Variants in RBFOX1 observed in about 807,000 individuals in gnomAD.
The protein encoded by RBFOX1 is RNA binding fox-1 homolog 1.
Under a neutral mutation model 57.7 loss-of-function variants are expected in RBFOX1, and 8 were observed. The ratio of observed to expected loss-of-function variants is 0.14; its 90% CI spans 0.08 to 0.25. RBFOX1 has a LOEUF of 0.25. Ranked by LOEUF, RBFOX1 falls within the 10% of genes least tolerant of loss-of-function variation. RBFOX1 has a pLI of 1.00. For synonymous variants in RBFOX1, 326 were observed against 222.4 expected, an observed-to-expected ratio of 1.47 and a Z score of -4.15; for missense variants, 611 against 548.5, an observed-to-expected ratio of 1.11 and a Z score of -1.14.
intron 2 of RBFOX1, among the ~76,000 whole-genome samples, chr16:5,556,609 A>G (rs2045686330): frequency 6.6e-6 from 1 of 152,232 alleles, no homozygotes; most frequent in African/African-American, 2.4e-5. Flanking sequence ...TGAGCTGCAG[A>G]GGATGCCAAC....
rs576893059 is a variant in RBFOX1, at chr16:6,535,394, C to T, written c.-63-119209C>T. 1.7e-4 allele frequency among the ~76,000 whole-genome samples: 25 copies of T among 150,772 alleles called. No homozygotes were observed. The South Asian group carries it at 4.5e-3, about 27-fold the overall frequency. On this transcript the variant is annotated intron_variant, in intron 2 of 15. Coordinates refer to ENST00000550418, the MANE Select transcript of RBFOX1 (RefSeq NM_018723.4). ...TCATGGACGAAGATTCACTAGAAGT[C>T]TCACAAGCCCTGCCACCCTAAATCA...
chr16:6,878,176 C>G (rs1355104496), intron 3 of RBFOX1, among the ~76,000 whole-genome samples: 1 of 152,058 alleles, frequency 6.6e-6, no homozygotes, highest in Non-Finnish European at 1.5e-5. Context: ...CTTCCACTTC[C>G]CCAAGCAATA....
intron 2 of RBFOX1, among the ~76,000 whole-genome samples, chr16:5,548,357 A>G (rs575678372): frequency 6.6e-6 from 1 of 151,562 alleles, no homozygotes; most frequent in South Asian, 2.1e-4. Flanking sequence ...AAACCTGCGC[A>G]TGTACTCCCT....
At chr16:7,080,280 A>G (rs1372523263) in intron 4 of RBFOX1, among the ~76,000 whole-genome samples, 4 of 152,054 alleles carry the variant, frequency 2.6e-5, no homozygotes, top group Admixed American at 6.6e-5. Flanking sequence ...CTTTACTGCA[A>G]TATCTCAGCA....
chr16:6,860,604 C>G (rs559238729), intron 3 of RBFOX1, among the ~76,000 whole-genome samples: 2 of 152,100 alleles, frequency 1.3e-5, no homozygotes, highest in Admixed American at 6.6e-5. Flanking sequence ...TTGTGGCATC[C>G]AAGCAAAACA....
At chr16:7,219,341 C>T (rs923969463) in intron 4 of RBFOX1, among the ~76,000 whole-genome samples, 4 of 152,132 alleles carry the variant, frequency 2.6e-5, no homozygotes, top group African/African-American at 4.8e-5. Context: ...GCTGCAAGAT[C>T]GAGCTGAATA....
chr16:6,175,103 A>G (rs2096993655), intron 1 of RBFOX1, among the ~76,000 whole-genome samples: 1 of 152,204 alleles, frequency 6.6e-6, no homozygotes, highest in African/African-American at 2.4e-5. Flanking sequence ...AGCACTTAGA[A>G]CTATATCTCA....
At chr16:6,328,004 T>C (rs2082575166) in intron 2 of RBFOX1, among the ~76,000 whole-genome samples, 1 of 152,154 alleles carries the variant, frequency 6.6e-6, no homozygotes, top group South Asian at 2.1e-4. Flanking sequence ...GGTTGTGCAT[T>C]GCCAATTTGC....
At chr16:5,719,446 G>A (rs891485105) in intron 3 of RBFOX1, among the ~76,000 whole-genome samples, 5 of 151,286 alleles carry the variant, frequency 3.3e-5, no homozygotes, top group African/African-American at 4.9e-5. Context: ...TCCTGAGCTC[G>A]CGATCCGCCC....
At chr16:5,642,023 G>A (rs547416135) in intron 3 of RBFOX1, among the ~76,000 whole-genome samples, 1 of 152,322 alleles carries the variant, frequency 6.6e-6, no homozygotes, top group South Asian at 2.1e-4. Context: ...CAAGGCTGCT[G>A]GTATCTGGAC....
chr16:6,924,739 G>C (rs924145395), intron 3 of RBFOX1, among the ~76,000 whole-genome samples: 2 of 151,284 alleles, frequency 1.3e-5, no homozygotes, highest in African/African-American at 4.9e-5. Context: ...GTGCAGGTTT[G>C]TTACATATTT....
intron 3 of RBFOX1, among the ~76,000 whole-genome samples, chr16:5,629,627 G>A (rs1290943790): frequency 6.6e-6 from 1 of 152,218 alleles, no homozygotes; most frequent in African/African-American, 2.4e-5. Flanking sequence ...CTTGTCCGTG[G>A]TGCCTGCTTG....
chr16:7,412,743 A>G (rs1219527138), intron 4 of RBFOX1, among the ~76,000 whole-genome samples: 2 of 152,200 alleles, frequency 1.3e-5, no homozygotes, highest in Non-Finnish European at 2.9e-5. Flanking sequence ...TCCCAGGCTG[A>G]TTTAATCATG....
intron 4 of RBFOX1, among the ~76,000 whole-genome samples, chr16:7,512,526 T>G (rs1356636708): frequency 2.0e-5 from 3 of 152,172 alleles, no homozygotes; most frequent in Non-Finnish European, 4.4e-5. Context: ...TAAGTAACTG[T>G]AGGGGGTCCC....
chr16:6,014,274 C>G (rs2094980195), upstream of RBFOX1, among the ~76,000 whole-genome samples: 1 of 152,090 alleles, frequency 6.6e-6, no homozygotes, highest in South Asian at 2.1e-4. Flanking sequence ...GCTGTCTTTG[C>G]TACCATTAGT....
intron 4 of RBFOX1, among the ~76,000 whole-genome samples, chr16:7,290,416 C>T (rs1399890554): frequency 6.6e-6 from 1 of 152,144 alleles, no homozygotes; most frequent in Non-Finnish European, 1.5e-5. Flanking sequence ...CTTAAAATAT[C>T]TCATTAATCT....
At chr16:7,006,361 G>T (rs1032039492) in intron 3 of RBFOX1, among the ~76,000 whole-genome samples, 1 of 152,034 alleles carries the variant, frequency 6.6e-6, no homozygotes, top group Non-Finnish European at 1.5e-5. Flanking sequence ...TATCATGTTG[G>T]CCAGGATGGT....
Position 7,539,907 on chromosome 16 carries a change from G to T in RBFOX1, c.270+21518G>T, listed in dbSNP as rs572021436. 2.0e-5 allele frequency among the ~76,000 whole-genome samples: 3 copies of T among 152,290 alleles called. No homozygotes were observed. In the East Asian group the frequency reaches 5.8e-4, roughly 29 times the overall value. On this transcript the variant is annotated intron_variant, in intron 5 of 15. Coordinates refer to ENST00000550418, the MANE Select transcript of RBFOX1 (RefSeq NM_018723.4). ...GGCTTATTTCTCCTTTATGGAGAAG[G>T]CAGCCCCTTGGAGGTAGGCATTTCC...
chr16:5,534,562 C>T (rs562247857), intron 2 of RBFOX1, among the ~76,000 whole-genome samples: 19 of 152,120 alleles, frequency 1.2e-4, no homozygotes, highest in South Asian at 6.2e-4. Flanking sequence ...AAGCAACCAG[C>T]GCAGGAGAAA....
Sources: gnomAD v4.1 joint callset for allele counts (sites outside exome capture counted in the v4.1 genomes callset) on GRCh38, gnomAD v4.1.1 for gene constraint, MANE v1.5 for transcripts, NCBI Gene and HGNC (gene_info 2026-07-23, HGNC 2026-07-21) for gene names.